The following MAN2A1 variants were observed in gnomAD, a reference collection of about 807,000 sequenced individuals.
MAN2A1 encodes mannosidase alpha class 2A member 1.
In MAN2A1, 76 loss-of-function variants were observed where a neutral mutation model predicts 142.6. The ratio of observed to expected loss-of-function variants is 0.53; its 90% confidence interval spans 0.44 to 0.65. MAN2A1 has a LOEUF of 0.65. Among genes scored for constraint, MAN2A1 ranks in the 30% least tolerant of loss-of-function variants. The pLI is 0.00. For synonymous variants in MAN2A1, 559 were observed against 473.2 expected, an observed-to-expected ratio of 1.18 and a Z score of -2.35; for missense variants, 1,311 against 1,365.1, an observed-to-expected ratio of 0.96 and a Z score of 0.62.
intron 12 of MAN2A1, among the ~76,000 whole-genome samples, chr5:109,798,197 T>G (rs974429978): frequency 3.9e-5 from 6 of 152,226 alleles, no homozygotes; most frequent in African/African-American, 1.4e-4. Flanking sequence ...CAGGTTATAT[T>G]AATGCCTGAA....
intron 10 of MAN2A1, among the ~76,000 whole-genome samples, chr5:109,788,561 AC>A (rs36077600): frequency 6.6e-6 from 1 of 151,774 alleles, no homozygotes; most frequent in Non-Finnish European, 1.5e-5. Flanking sequence ...CATTGTTAAA[AC>A]CCTTGTTAGA....
intron 8 of MAN2A1, among the ~76,000 whole-genome samples, chr5:109,780,031 C>T (rs1169903001): frequency 6.6e-6 from 1 of 151,778 alleles, no homozygotes; most frequent in Non-Finnish European, 1.5e-5. Context: ...AAATTTATAC[C>T]ATTATTGGCC....
chr5:109,737,445 ATTT>A (rs34188816), intron 4 of MAN2A1, among the ~76,000 whole-genome samples: 1 of 146,890 alleles, frequency 6.8e-6, no homozygotes, highest in African/African-American at 2.5e-5. Context: ...AGATTTTTGA[ATTT>A]TTTTTTTTTT....
intron 4 of MAN2A1, among the ~76,000 whole-genome samples, chr5:109,750,062 C>G (rs762775761): frequency 6.6e-6 from 1 of 151,920 alleles, no homozygotes; most frequent in Non-Finnish European, 1.5e-5. Flanking sequence ...TATTTCCAGA[C>G]ATATTGTTTC....
At chr5:109,709,841 A>G (rs1278652596) in intron 1 of MAN2A1, among the ~76,000 whole-genome samples, 2 of 152,202 alleles carry the variant, frequency 1.3e-5, no homozygotes, top group Admixed American at 6.5e-5. Context: ...TAGTTTTCTC[A>G]TAAGTGATTT....
chr5:109,847,358 GA>G (rs1755368811), intron 18 of MAN2A1, among the ~76,000 whole-genome samples: 1 of 151,968 alleles, frequency 6.6e-6, no homozygotes, highest in African/African-American at 2.4e-5. Flanking sequence ...TAATGTTTTG[GA>G]AAAAAAGTTT....
intron 10 of MAN2A1, among the ~76,000 whole-genome samples, chr5:109,786,084 A>T (rs1753588799): frequency 6.6e-6 from 1 of 152,102 alleles, no homozygotes; most frequent in Admixed American, 6.6e-5. Flanking sequence ...TAAAAAATGC[A>T]TTCAAAGTAG....
intron 5 of MAN2A1, among the ~76,000 whole-genome samples, chr5:109,763,549 A>G (rs1205361800): frequency 6.6e-6 from 1 of 150,984 alleles, no homozygotes; most frequent in Admixed American, 6.6e-5. Flanking sequence ...TTTAAGTTTT[A>G]GGGTACATGT....
chr5:109,864,814 A>T, intron 20 of MAN2A1: 1 of 489,680 alleles, frequency 2.0e-6, no homozygotes, highest in Admixed American at 3.6e-5. Flanking sequence ...GTTACCTAAC[A>T]AGGAACCTTA....
At chr5:109,731,237 T>C (rs1230642142) in intron 4 of MAN2A1, among the ~76,000 whole-genome samples, 3 of 151,990 alleles carry the variant, frequency 2.0e-5, no homozygotes, top group South Asian at 4.1e-4. Context: ...TCTCCTCTTT[T>C]AGTTATTTTG....
chr5:109,791,175 A>G (rs1753728953), intron 12 of MAN2A1, among the ~76,000 whole-genome samples: 1 of 151,920 alleles, frequency 6.6e-6, no homozygotes, highest in Non-Finnish European at 1.5e-5. Flanking sequence ...TTACTTCTTT[A>G]CAGTTCTTTT....
chr5:109,767,229 AC>A (rs1753016265), intron 5 of MAN2A1, among the ~76,000 whole-genome samples: 1 of 152,124 alleles, frequency 6.6e-6, no homozygotes, highest in East Asian at 1.9e-4. Context: ...TTTATTCTCT[AC>A]CTCTAGTTAA....
intron 5 of MAN2A1, among the ~76,000 whole-genome samples, chr5:109,758,793 A>G (rs950139985): frequency 2.6e-5 from 4 of 151,332 alleles, no homozygotes; most frequent in African/African-American, 9.7e-5. Flanking sequence ...AGAGTTTCAT[A>G]TTTATTTTTT....
At chr5:109,770,645 C>G in intron 7 of MAN2A1, 104 bp downstream of exon 7, 1 of 1,032,774 alleles carries the variant, frequency 9.7e-7, no homozygotes, top group African/African-American at 1.6e-5. Context: ...CCAACATTAT[C>G]CTTGTTTGAA....
At position 109,798,314 on chromosome 5, in the gene MAN2A1, GCCTTCACTTA is replaced by G; in HGVS notation, c.1943+8789_1943+8798del. Among the ~76,000 whole-genome samples the G allele has an allele frequency of 2.0e-5, 3 of 152,120 alleles. No individual in the cohort carries two copies. In the East Asian group the frequency reaches 5.8e-4, roughly 29 times the overall value. On this transcript the variant is annotated intron_variant, in intron 12 of 21. Coordinates refer to ENST00000261483, the MANE Select transcript of MAN2A1 (RefSeq NM_002372.4). ...TGAGAGTGATATTTCGTATTCCATT[GCCTTCACTTA>G]CTATCAGTGTACTGTTAACTCCTCA...
Position 109,847,758 on chromosome 5 carries a change from A to G in MAN2A1, c.2944A>G (p.Ile982Val). Reference sequence around the variant, plus strand: ...CAAGATTACAGCTAATCTATTTCGAATACTACTAGAAAAAAGAAGTGCTGT... The same window carrying G: ...CAAGATTACAGCTAATCTATTTCGAGTACTACTAGAAAAAAGAAGTGCTGT... ...DNKITANLFR[I>V]LLEKRSAVNT... Residue 982 changes from isoleucine (I) to valine (V), a missense_variant, in exon 19 of 22, where the codon ATA (isoleucine) becomes GTA (valine). Coordinates refer to ENST00000261483, the MANE Select transcript of MAN2A1 (RefSeq NM_002372.4). The G allele has an allele frequency of 6.3e-7, 1 of 1,593,178 alleles. No individual in the cohort carries two copies. Among genetic ancestry groups the G allele is most frequent in the Non-Finnish European group, 8.5e-7 (1 of 1,170,444 alleles).
intron 1 of MAN2A1, among the ~76,000 whole-genome samples, chr5:109,708,509 G>GACACACACACAGACACACACACAC (rs1554072323): frequency 1.1e-4 from 14 of 124,540 alleles, no homozygotes; most frequent in Admixed American, 1.1e-3. Flanking sequence ...GAACTGATAG[G>GACACACACACAGACACACACACAC]ACACACACAC....
At chr5:109,751,393 A>G (rs1445600276) in intron 4 of MAN2A1, among the ~76,000 whole-genome samples, 1 of 151,924 alleles carries the variant, frequency 6.6e-6, no homozygotes, top group African/African-American at 2.4e-5. Context: ...TTCTTTTTCC[A>G]TTCATCTAAA....
chr5:109,804,499 A>G (rs1754113787), intron 12 of MAN2A1, among the ~76,000 whole-genome samples: 1 of 151,988 alleles, frequency 6.6e-6, no homozygotes, highest in Admixed American at 6.6e-5. Context: ...TTTTCTTTGA[A>G]ATGTGTTCTT....
Sources: gnomAD v4.1 joint callset for allele counts (sites outside exome capture counted in the v4.1 genomes callset) on GRCh38, gnomAD v4.1.1 for gene constraint, MANE v1.5 for transcripts, NCBI Gene and HGNC (gene_info 2026-07-23, HGNC 2026-07-21) for gene names.